ATP1A3: variants seen among roughly 807,000 people sequenced by gnomAD.
ATP1A3 encodes ATPase Na+/K+ transporting subunit alpha 3, also known as sodium/potassium-transporting ATPase subunit alpha-3.
A neutral mutation model predicts 108.8 loss-of-function variants in ATP1A3; 12 were observed. The observed-to-expected ratio is 0.11, with a 90% CI of 0.07 to 0.18. ATP1A3 has a LOEUF of 0.18. ATP1A3 is among the 10% of genes least tolerant of loss of function. The pLI is 1.00. For synonymous variants in ATP1A3, 539 were observed against 564.5 expected (o/e 0.95, Z 0.64); for missense variants, 498 against 1,387.7 (o/e 0.36, Z 10.19).
In ATP1A3 at chr19:41,970,238, C is replaced by T. The variant is rs368371895; in HGVS notation, c.2489G>A (p.Arg830Gln). ...DIMKRQPRNP[R>Q]TDKLVNERLI... ...TCTCTCATTGACCAATTTGTCCGTC[C>T]GCGGGTTCCTGGGCTGTCTCTTCAT... The change falls in exon 18 of 23, where the codon CGG becomes CAG. Residue 830 changes from arginine (R) to glutamine (Q), a missense_variant. Physicochemically the swap from Arg to Gln is conservative, Grantham distance 43 (BLOSUM62 1). Coordinates refer to ENST00000648268, the MANE Select transcript of ATP1A3 (RefSeq NM_152296.5). 6.3e-5 allele frequency: 101 copies of T among 1,614,104 alleles called. No homozygotes were observed. The highest frequency in any genetic ancestry group is 5.0e-5 in the Admixed American group (3 of 60,004).
rs2145947520 is a variant in ATP1A3, at chr19:41,970,241, G to A, written c.2486C>T (p.Pro829Leu). ...CTCATTGACCAATTTGTCCGTCCGCGGGTTCCTGGGCTGTCTCTTCATGAT... is the reference window on the plus strand; with the variant it reads ...CTCATTGACCAATTTGTCCGTCCGCAGGTTCCTGGGCTGTCTCTTCATGAT... ...SDIMKRQPRN[P>L]RTDKLVNERL... Residue 829 changes from proline (P) to leucine (L), a missense_variant, in exon 18 of 23, where the codon CCG becomes CTG. Pro to Leu is a moderately conservative substitution (Grantham distance 98). Around this residue, in one of 9 missense-constraint regions of ATP1A3, gnomAD observed 121 missense variants for 425.1 expected, o/e 0.28. Coordinates refer to ENST00000648268, the MANE Select transcript of ATP1A3 (RefSeq NM_152296.5). The A allele has an allele frequency of 3.1e-6, 5 of 1,614,202 alleles. No individual in the cohort carries two copies. The highest frequency in any genetic ancestry group is 2.2e-5 in the East Asian group (1 of 44,870).
chr19:41,970,364 C>A lies in ATP1A3; in HGVS notation c.2418+24G>T, dbSNP rs181714156. On this transcript the variant is annotated intron_variant, in intron 17 of 22. Transcript: ENST00000648268. ...GGGGAGGACTCCACCCTCCTGGGCC[C>A]CAAGGGTGGCTGCCAGGGCTCACCA... is the stretch of plus-strand genomic sequence containing the variant. 3,686 of 1,614,196 alleles carry A rather than the reference C, an allele frequency of 2.3e-3. 84 individuals carry two copies. The highest frequency in any genetic ancestry group is 1.3e-3 in the Admixed American group (80 of 60,020).
intron 18 of ATP1A3, 87 bp downstream of exon 18, chr19:41,970,098 G>GC: frequency 6.2e-7 from 1 of 1,608,196 alleles, no homozygotes; most frequent in East Asian, 2.2e-5. Context: ...CTGAGTCAAT[G>GC]CCAGGGTCCC....
In ATP1A3 at chr19:41,981,884, TCCTCACCCGGGG is replaced by T. The variant is rs2145972211; in HGVS notation, c.1192+12_1192+23del. Reference sequence around the variant, plus strand: ...GACTCCTGGAGCCAGGCCCCCATGGTCCTCACCCGGGGCCTGCGCTCACCTGACTGGTCCTCA... The same window carrying T: ...GACTCCTGGAGCCAGGCCCCCATGGTCCTGCGCTCACCTGACTGGTCCTCA... On this transcript the variant is annotated intron_variant, in intron 9 of 22. Coordinates refer to ENST00000648268, the MANE Select transcript of ATP1A3 (RefSeq NM_152296.5). This position sits in a 1 kb window ranked among gnomAD's most constrained non-coding sequence, Gnocchi z 5.0. The T allele has an allele frequency of 1.2e-6, 2 of 1,614,176 alleles. No individual in the cohort carries two copies. Among genetic ancestry groups the T allele is most frequent in the Non-Finnish European group, 1.7e-6 (2 of 1,180,024 alleles).
chr19:41,991,277 C>A (rs570762621), intron 1 of ATP1A3, among the ~76,000 whole-genome samples: 40 of 152,246 alleles, frequency 2.6e-4, no homozygotes, highest in African/African-American at 9.6e-4. Flanking sequence ...TGCCCCCAGA[C>A]CCAGAGGCTG....
rs1555865962 is a variant in ATP1A3 at position 41,987,923 on chromosome 19, T to C, written c.357+13A>G. ...GTGCAGAGCCTTGCACAGGGCAGGGTCCAGGCACTCACGTTGTCACCAGAG... is the reference window on the plus strand; with the variant it reads ...GTGCAGAGCCTTGCACAGGGCAGGGCCCAGGCACTCACGTTGTCACCAGAG... On this transcript the variant is annotated intron_variant, in intron 4 of 22. Coordinates refer to ENST00000648268, the MANE Select transcript of ATP1A3 (RefSeq NM_152296.5). The C allele has an allele frequency of 3.1e-6, 5 of 1,612,620 alleles. No individual in the cohort carries two copies. Among genetic ancestry groups the C allele is most frequent in the Non-Finnish European group, 4.2e-6 (5 of 1,179,902 alleles).
chr19:41,994,054 G>T lies in ATP1A3; in HGVS notation c.6+17C>A, dbSNP rs782567963. 1.6e-5 allele frequency: 26 copies of T among 1,609,122 alleles called. No homozygotes were observed. Among genetic ancestry groups the T allele is most frequent in the Non-Finnish European group, 2.0e-5 (24 of 1,178,160 alleles). On this transcript the variant is annotated intron_variant, in intron 1 of 22. Coordinates refer to ENST00000648268, the MANE Select transcript of ATP1A3 (RefSeq NM_152296.5). ...CAATGTCACACGGAAGCGGCGCCCA[G>T]CCGGCTCAGCACCTACCCCCATCTT...
chr19:41,970,769 C>T (rs1320474621), intron 16 of ATP1A3, among the ~76,000 whole-genome samples: 1 of 151,476 alleles, frequency 6.6e-6, no homozygotes, highest in African/African-American at 2.4e-5. Context: ...GTAGCTGGCA[C>T]TACAGGCACC....
chr19:41,990,673 TC>T, intron 1 of ATP1A3, among the ~76,000 whole-genome samples: 1 of 36,248 alleles, frequency 2.8e-5, no homozygotes, highest in Non-Finnish European at 5.2e-5. Flanking sequence ...TCTCTCTCTG[TC>T]CATATATATA....
At chr19:41,973,543 C>T (rs1555860384) in intron 16 of ATP1A3, among the ~76,000 whole-genome samples, 2 of 152,162 alleles carry the variant, frequency 1.3e-5, no homozygotes, top group Admixed American at 1.3e-4. Context: ...GGCGTGAGCC[C>T]CCGTGCCTGG....
At chr19:41,975,870 C>T in intron 15 of ATP1A3, 73 bp from the exon 16 acceptor site, 3 of 1,593,624 alleles carry the variant, frequency 1.9e-6, no homozygotes, top group South Asian at 2.2e-5. Context: ...TCCAGAAGCC[C>T]AGGACCCCAG....
At chr19:41,969,683 T>C (rs1268420283) in intron 18 of ATP1A3, 103 bp from the exon 19 acceptor site, 3 of 1,473,876 alleles carry the variant, frequency 2.0e-6, no homozygotes, top group South Asian at 1.1e-5. Context: ...GAGGGGAGTA[T>C]GCCCTCCTGG....
intron 8 of ATP1A3, 90 bp from the exon 9 acceptor site, chr19:41,982,196 A>G: frequency 6.2e-7 from 1 of 1,605,826 alleles, no homozygotes; most frequent in East Asian, 2.2e-5. Context: ...CCAGCTGCCC[A>G]GCCCCCAGAG....
intron 14 of ATP1A3, among the ~76,000 whole-genome samples, chr19:41,977,711 A>T (rs2075186605): frequency 6.6e-6 from 1 of 152,248 alleles, no homozygotes; most frequent in East Asian, 1.9e-4. Flanking sequence ...AAACATAAAT[A>T]AATAAATAAA....
Position 41,978,766 on chromosome 19 carries a change from G to T in ATP1A3, c.1470C>A (p.Asp490Glu). ...LSIHETEDPN[D>E]NRYLLVMKGA... Reference sequence around the variant, plus strand: ...CCTTCATCACCAGCAGGTATCGGTTGTCGTTGGGGTCCTCGGTCTCATGGA... The same window carrying T: ...CCTTCATCACCAGCAGGTATCGGTTTTCGTTGGGGTCCTCGGTCTCATGGA... The change falls in exon 12 of 23, where the codon GAC becomes GAA. Residue 490 changes from aspartate to glutamate, a missense_variant. Transcript: ENST00000648268. This position sits in a 1 kb window ranked among gnomAD's most constrained non-coding sequence, Gnocchi z 8.3. 1 of 1,614,102 alleles carries T rather than the reference G, an allele frequency of 6.2e-7. No individual in the cohort carries two copies. The highest frequency in any genetic ancestry group is 8.5e-7 in the Non-Finnish European group (1 of 1,179,990).
chr19:41,970,572 C>A (rs1555859623), intron 16 of ATP1A3, 30 bp from the exon 17 acceptor site: 1 of 1,613,356 alleles, frequency 6.2e-7, no homozygotes, highest in Admixed American at 1.7e-5. Flanking sequence ...AGAGCAGGCG[C>A]CCATGCCAGG....
Position 41,988,219 on chromosome 19 carries a change from A to C in ATP1A3, c.154-80T>G, listed in dbSNP as rs782794307. ...GCCTTCACCAGACCCCCAGAACTTAAGACACCAGCCACAGCCCCTCCTCCC... is the reference window on the plus strand; with the variant it reads ...GCCTTCACCAGACCCCCAGAACTTACGACACCAGCCACAGCCCCTCCTCCC... On this transcript the variant is annotated intron_variant, in intron 3 of 22. Coordinates refer to ENST00000648268, the MANE Select transcript of ATP1A3 (RefSeq NM_152296.5). The surrounding 1 kb of genome is among the most constrained non-coding windows in gnomAD (Gnocchi z 5.3). 61 of 1,612,180 alleles carry C rather than the reference A, an allele frequency of 3.8e-5. No homozygotes were observed. The highest frequency in any genetic ancestry group is 4.8e-5 in the Non-Finnish European group (57 of 1,178,510).
At chr19:41,973,062 C>T (rs1207257663) in intron 16 of ATP1A3, among the ~76,000 whole-genome samples, 7 of 152,186 alleles carry the variant, frequency 4.6e-5, no homozygotes, top group African/African-American at 1.7e-4. Context: ...AGGGGTTTCT[C>T]ATCCTAAACT....
chr19:41,969,004 G>A (rs868943191), intron 19 of ATP1A3, 89 bp from the exon 20 acceptor site: 11 of 1,585,404 alleles, frequency 6.9e-6, no homozygotes, highest in Middle Eastern at 2.0e-4. Context: ...TCTTTGCCCC[G>A]CCCCATCCTG....
Sources: allele counts gnomAD v4.1 joint callset (sites outside exome capture counted in the v4.1 genomes callset), GRCh38; gene constraint gnomAD v4.1.1; regional missense constraint gnomAD v4.1.1; non-coding constraint Gnocchi (gnomAD v3.1); transcripts MANE v1.5; gene names NCBI Gene and HGNC (gene_info 2026-07-23, HGNC 2026-07-21).